Variants in TMC1 observed in about 807,000 individuals in gnomAD.
TMC1 encodes transmembrane channel-like protein 1.
In TMC1, 84 loss-of-function variants were observed where a neutral mutation model predicts 105.8. The ratio of observed to expected loss-of-function variants is 0.79; its 90% CI spans 0.67 to 0.95. The LOEUF is 0.95. TMC1 is among the 40% of genes least tolerant of loss of function. TMC1 has a pLI of 0.00. For synonymous variants in TMC1, 315 were observed against 311.5 expected, an observed-to-expected ratio of 1.01 and a Z score of -0.12; for missense variants, 817 against 914.1, an observed-to-expected ratio of 0.89 and a Z score of 1.37.
chr9:72,614,067 A>G (rs1282198206), intron 2 of TMC1, among the ~76,000 whole-genome samples: 2 of 152,220 alleles, frequency 1.3e-5, no homozygotes, highest in Non-Finnish European at 2.9e-5. Context: ...TCCTAAAACT[A>G]TTGAACCTGA....
intron 6 of TMC1, among the ~76,000 whole-genome samples, chr9:72,693,352 A>C (rs115202488): frequency 0.043 from 6,571 of 152,300 alleles, 237 homozygotes; most frequent in Middle Eastern, 0.11. Flanking sequence ...AGGAACGTCC[A>C]AAGAATAGAT....
intron 1 of TMC1, among the ~76,000 whole-genome samples, chr9:72,532,573 A>AAAC (rs1823517554): frequency 7.2e-5 from 8 of 110,854 alleles, no homozygotes; most frequent in African/African-American, 3.1e-4. Flanking sequence ...AAAAAAAAAA[A>AAAC]AAAAAAAAAA....
At chr9:72,813,759 G>A (rs1322962700) in intron 18 of TMC1, among the ~76,000 whole-genome samples, 4 of 152,212 alleles carry the variant, frequency 2.6e-5, no homozygotes, top group African/African-American at 9.6e-5. Context: ...TGATTTATGT[G>A]TCAGGAAACT....
intron 3 of TMC1, among the ~76,000 whole-genome samples, chr9:72,626,832 C>T (rs1357399139): frequency 6.6e-6 from 1 of 152,154 alleles, no homozygotes; most frequent in African/African-American, 2.4e-5. Context: ...CTGTTTGCCA[C>T]ATCATGGGCC....
At position 72,635,628 on chromosome 9, in the gene TMC1, T is replaced by G. The variant is rs527471891; in HGVS notation, c.-53+7565T>G. On this transcript the variant is annotated intron_variant, in intron 4 of 23. Coordinates refer to ENST00000297784, the MANE Select transcript of TMC1 (RefSeq NM_138691.3). ...GATAAGTCAGTCAAGCTCTCTTTTC[T>G]TGAGAATTTGATTTGGGAAACTTCG... is the stretch of plus-strand genomic sequence containing the variant. Among the ~76,000 whole-genome samples the G allele has an allele frequency of 2.0e-5, 3 of 152,330 alleles. No homozygotes were observed. In the East Asian group the frequency reaches 5.8e-4, roughly 29 times the overall value.
At chr9:72,582,846 A>G (rs1414156603) in intron 2 of TMC1, among the ~76,000 whole-genome samples, 2 of 152,242 alleles carry the variant, frequency 1.3e-5, no homozygotes, top group East Asian at 3.8e-4. Flanking sequence ...ACTAAACCTC[A>G]GAAATATTGA....
intron 12 of TMC1, among the ~76,000 whole-genome samples, chr9:72,768,936 G>A (rs1827881279): frequency 6.6e-6 from 1 of 152,174 alleles, no homozygotes; most frequent in Admixed American, 6.5e-5. Flanking sequence ...AAGAGGCCCT[G>A]TCACCACCAG....
Position 72,736,059 on chromosome 9 carries a change from A to C in TMC1, c.363-4060A>C, listed in dbSNP as rs1391852640. Among the ~76,000 whole-genome samples, 3 of 152,202 alleles carry C rather than the reference A, an allele frequency of 2.0e-5. No homozygotes were observed. The East Asian group carries it at 5.8e-4, about 29-fold the overall frequency. ...GGGATAGAGCATTAGAGAAGAAAAGAAATTCATACCTGAGATTATGTAATA... is the reference window on the plus strand; with the variant it reads ...GGGATAGAGCATTAGAGAAGAAAAGCAATTCATACCTGAGATTATGTAATA... On this transcript the variant is annotated intron_variant, in intron 8 of 23. Coordinates refer to ENST00000297784, the MANE Select transcript of TMC1 (RefSeq NM_138691.3).
intron 8 of TMC1, among the ~76,000 whole-genome samples, chr9:72,716,852 G>A (rs1364554733): frequency 3.3e-5 from 5 of 152,124 alleles, no homozygotes; most frequent in Admixed American, 6.5e-5. Flanking sequence ...CTGCCCAAAC[G>A]GCAGCCCAGT....
chr9:72,655,004 T>G (rs958971757), intron 5 of TMC1, among the ~76,000 whole-genome samples: 11 of 152,196 alleles, frequency 7.2e-5, no homozygotes, highest in African/African-American at 2.7e-4. Flanking sequence ...CTAAATCTTA[T>G]CTTGAATTGT....
intron 3 of TMC1, among the ~76,000 whole-genome samples, chr9:72,623,140 TCTCC>T (rs1194710481): frequency 7.0e-6 from 1 of 142,238 alleles, no homozygotes; most frequent in South Asian, 2.2e-4. Context: ...CTTCTCTCTC[TCTCC>T]CTGTTTTTTT....
intron 1 of TMC1, among the ~76,000 whole-genome samples, chr9:72,571,721 A>G (rs947167530): frequency 6.6e-6 from 1 of 152,014 alleles, no homozygotes; most frequent in Non-Finnish European, 1.5e-5. Context: ...TTATTATTCT[A>G]TTATTTCTAT....
chr9:72,746,875 A>T (rs1827497876), intron 10 of TMC1, among the ~76,000 whole-genome samples: 1 of 152,224 alleles, frequency 6.6e-6, no homozygotes, highest in Admixed American at 6.5e-5. Context: ...TAAGGGGATC[A>T]TGCCTAAAAC....
chr9:72,737,142 A>G (rs1827312031), intron 8 of TMC1, among the ~76,000 whole-genome samples: 2 of 152,024 alleles, frequency 1.3e-5, no homozygotes, highest in African/African-American at 4.8e-5. Context: ...TGGATATGGT[A>G]TGTGGATTTT....
Position 72,821,124 on chromosome 9 carries a change from G to C in TMC1, c.2003+43G>C, listed in dbSNP as rs777007914. 24 of 1,613,524 alleles carry C rather than the reference G, an allele frequency of 1.5e-5. 1 individual carries two copies. In the South Asian group the frequency reaches 1.5e-4, roughly 10 times the overall value. Reference sequence around the variant, plus strand: ...TTTGACTCAGGCATCGTGTTCTTTCGGGGGTGGAGGTGGGAATGGTCATTC... The same window carrying C: ...TTTGACTCAGGCATCGTGTTCTTTCCGGGGTGGAGGTGGGAATGGTCATTC... On this transcript the variant is annotated intron_variant, in intron 20 of 23. Transcript: ENST00000297784.
chr9:72,800,738 C>G (rs962200242), intron 17 of TMC1, among the ~76,000 whole-genome samples: 6 of 135,586 alleles, frequency 4.4e-5, no homozygotes, highest in African/African-American at 1.3e-4. Context: ...TATCTTTCAC[C>G]TTCCTTTCTC....
intron 17 of TMC1, among the ~76,000 whole-genome samples, chr9:72,792,733 A>T (rs1407678175): frequency 6.6e-6 from 1 of 152,194 alleles, no homozygotes; most frequent in Non-Finnish European, 1.5e-5. Context: ...CAAAACAAAC[A>T]AACAAACAAA....
chr9:72,780,430 C>T lies in TMC1; in HGVS notation c.884+7875C>T, dbSNP rs11143393. Among the ~76,000 whole-genome samples, 271 of 152,146 alleles carry T rather than the reference C, an allele frequency of 1.8e-3. 4 individuals carry two copies. The highest frequency in any genetic ancestry group is 7.3e-3 in the East Asian group (38 of 5,178). ...TATGAATATTAACCTTAAATGTAAA[C>T]GGGCTAAATGCCACATTCAAAAGGC... On this transcript the variant is annotated intron_variant, in intron 13 of 23. Coordinates refer to ENST00000297784, the MANE Select transcript of TMC1 (RefSeq NM_138691.3).
chr9:72,689,210 G>C (rs566123018), intron 6 of TMC1, among the ~76,000 whole-genome samples: 1 of 152,194 alleles, frequency 6.6e-6, no homozygotes, highest in Middle Eastern at 3.4e-3. Context: ...TGTCTGCCTA[G>C]ATTCTTCTTG....
Sources: allele counts gnomAD v4.1 joint callset (sites outside exome capture counted in the v4.1 genomes callset), GRCh38; gene constraint gnomAD v4.1.1; transcripts MANE v1.5; gene names NCBI Gene and HGNC (gene_info 2026-07-23, HGNC 2026-07-21).